ZNF529: variants seen among roughly 807,000 people sequenced by gnomAD.
ZNF529 encodes the protein zinc finger protein 529.
Under a neutral mutation model 10.1 loss-of-function variants are expected in ZNF529, and 11 were observed. The ratio of observed to expected loss-of-function variants is 1.09; its 90% CI spans 0.69 to 1.81. The LOEUF is 1.81. ZNF529 is among the 40% of genes most tolerant of loss of function. The pLI, the probability that ZNF529 is intolerant of heterozygous loss-of-function variation, is 0.00. For synonymous variants in ZNF529, 204 were observed against 215.7 expected (o/e 0.95, Z 0.47); for missense variants, 624 against 666.8 (o/e 0.94, Z 0.71).
At chr19:36,566,004 G>A (rs1004117470) in intron 2 of ZNF529, among the ~76,000 whole-genome samples, 2 of 152,190 alleles carry the variant, frequency 1.3e-5, no homozygotes, top group African/African-American at 4.8e-5. Flanking sequence ...GTTTGAGACA[G>A]GGTCTCACTC....
At chr19:36,565,246 T>C (rs2035852942) in intron 2 of ZNF529, among the ~76,000 whole-genome samples, 1 of 151,614 alleles carries the variant, frequency 6.6e-6, no homozygotes, top group Admixed American at 6.6e-5. Context: ...AAAATAAAAG[T>C]TGAAAAAAGA....
At chr19:36,601,374 G>C (rs1568622995) in intron 1 of ZNF529, among the ~76,000 whole-genome samples, 4 of 151,980 alleles carry the variant, frequency 2.6e-5, no homozygotes, top group Admixed American at 1.3e-4. Flanking sequence ...AAAGTGCTGG[G>C]ATTACAGGTG....
intron 3 of ZNF529, among the ~76,000 whole-genome samples, chr19:36,555,149 TC>T: frequency 6.6e-6 from 1 of 152,288 alleles, no homozygotes; most frequent in South Asian, 2.1e-4. Flanking sequence ...ATACCGTCAT[TC>T]CCCTGTACAG....
intron 1 of ZNF529, among the ~76,000 whole-genome samples, chr19:36,592,284 C>CAAAAA (rs35717465): frequency 0.019 from 937 of 48,548 alleles, 1 homozygote; most frequent in Non-Finnish European, 0.022. Context: ...GACTTTGTCT[C>CAAAAA]AAAAAAAAAA....
In ZNF529 at chr19:36,547,733, A is replaced by G. The variant is rs755695580; in HGVS notation, c.825T>C (p.Val275=). 3.1e-6 allele frequency: 5 copies of G among 1,613,780 alleles called. No homozygotes were observed. Among genetic ancestry groups the G allele is most frequent in the Non-Finnish European group, 3.4e-6 (4 of 1,179,844 alleles). Residue 275 remains valine, a synonymous_variant, in exon 5 of 5, where the codon GTT becomes GTC. Transcript: ENST00000591340. ...ATTCAAAGTGTTTCTCACCATCATG[A>G]ACTCTTTGAAGTGGAGTAACTTTTC... is the stretch of plus-strand genomic sequence containing the variant. ...RVGKVTPLQR[V]HDGEKHFECS...
intron 4 of ZNF529, among the ~76,000 whole-genome samples, chr19:36,551,384 A>G (rs185808150): frequency 2.4e-4 from 36 of 152,328 alleles, no homozygotes; most frequent in South Asian, 8.3e-4. Flanking sequence ...AGAAATCACC[A>G]TAAGAAACAT....
In ZNF529 at chr19:36,548,065, G is replaced by A; in HGVS notation, c.493C>T (p.His165Tyr). 2 of 1,613,860 alleles carry A rather than the reference G, an allele frequency of 1.2e-6. No individual in the cohort carries two copies. Among genetic ancestry groups the A allele is most frequent in the Non-Finnish European group, 1.7e-6 (2 of 1,179,862 alleles). Residue 165 changes from histidine (H) to tyrosine (Y), a missense_variant, in exon 5 of 5, where the codon CAT becomes TAT. Coordinates refer to ENST00000591340, the MANE Select transcript of ZNF529 (RefSeq NM_020951.5). The part of the protein sequence containing the change: ...HESLTLPRRT[H>Y]DSEKPYEYKE... ...TATTCATAGGGCTTCTCACTGTCAT[G>A]AGTTCTCCGAGGTAAAGTAAGAGAT...
At chr19:36,561,730 G>T (rs562557539) in intron 2 of ZNF529, among the ~76,000 whole-genome samples, 1 of 152,226 alleles carries the variant, frequency 6.6e-6, no homozygotes, top group Non-Finnish European at 1.5e-5. Flanking sequence ...TATGAGAGCT[G>T]CAGTATGAAC....
intron 1 of ZNF529, chr19:36,605,067 A>T (rs1346563872): frequency 2.0e-5 from 3 of 152,562 alleles, no homozygotes; most frequent in Admixed American, 1.3e-4. Flanking sequence ...GCGTCCCATG[A>T]ACCCAGGTCC....
At position 36,596,308 on chromosome 19, in the gene ZNF529, G is replaced by A. The variant is rs55824249; in HGVS notation, c.-127-6607C>T. ...AGGGTGGTCTCGAACTCCTGACCTC[G>A]TGATCCACCTGCCTCAGCCTCCTAA... On this transcript the variant is annotated intron_variant, in intron 1 of 4. Transcript: ENST00000585960. Among the ~76,000 whole-genome samples the A allele has an allele frequency of 7.1e-3, 1,072 of 151,218 alleles. 10 individuals are homozygous for A. The highest frequency in any genetic ancestry group is 0.024 in the African/African-American group (975 of 41,190).
In ZNF529 at chr19:36,546,225, A is replaced by G. The variant is rs1035911045; in HGVS notation, c.*641T>C. On this transcript the variant is annotated 3_prime_UTR_variant, in exon 5 of 5. Coordinates refer to ENST00000591340, the MANE Select transcript of ZNF529 (RefSeq NM_020951.5). ...TATACACTATATGTGTATATACACT[A>G]TATGTATATAGTGTGTGTGTGTGTG... 3 of 112,496 alleles carry G rather than the reference A, an allele frequency of 2.7e-5. No homozygotes were observed. Among genetic ancestry groups the G allele is most frequent in the South Asian group, 2.9e-4 (1 of 3,456 alleles). 7.0% of individuals were successfully genotyped at this position (112,496 alleles called of 1,614,324 possible).
intron 2 of ZNF529, among the ~76,000 whole-genome samples, chr19:36,584,870 A>G (rs2036547019): frequency 6.6e-6 from 1 of 152,216 alleles, no homozygotes; most frequent in African/African-American, 2.4e-5. Context: ...TGCAAGGTTA[A>G]GAGTAACTTC....
rs2035034582 is a variant in ZNF529, at chr19:36,546,698, T to C, written c.*168A>G. On this transcript the variant is annotated 3_prime_UTR_variant, in exon 5 of 5. Coordinates refer to ENST00000591340, the MANE Select transcript of ZNF529 (RefSeq NM_020951.5). ...GCAACATCTAACAAAGCTATAAGTA[T>C]ATATCAGCTATGACTAAGCAATTCT... The C allele has an allele frequency of 2.9e-6, 2 of 680,432 alleles. No individual in the cohort carries two copies. The highest frequency in any genetic ancestry group is 5.7e-5 in the East Asian group (2 of 35,116). The allele number at this position is 680,432 out of a possible 1,614,324, so 42.1% of individuals were successfully genotyped here.
At chr19:36,591,084 G>A (rs1331668748) in intron 1 of ZNF529, among the ~76,000 whole-genome samples, 3 of 151,432 alleles carry the variant, frequency 2.0e-5, no homozygotes, top group African/African-American at 7.3e-5. Context: ...GGCAGGTCAT[G>A]AGGTCAAGAG....
intron 4 of ZNF529, among the ~76,000 whole-genome samples, chr19:36,553,206 A>T (rs1432497529): frequency 2.6e-5 from 4 of 152,082 alleles, no homozygotes; most frequent in African/African-American, 9.7e-5. Context: ...GCTCACTGCA[A>T]CCTCTACCTC....
rs1308487713 is a variant in ZNF529, at chr19:36,544,761, C to T, written c.*2105G>A. On this transcript the variant is annotated 3_prime_UTR_variant, in exon 5 of 5. Coordinates refer to ENST00000591340, the MANE Select transcript of ZNF529 (RefSeq NM_020951.5). ...AAACTACTTGAATAAGCAATACTTA[C>T]ATAAAACATAGCTCAATATATCAGA... is the stretch of plus-strand genomic sequence containing the variant. The T allele has an allele frequency of 6.6e-6, 1 of 152,138 alleles. No individual in the cohort carries two copies. Among genetic ancestry groups the T allele is most frequent in the East Asian group, 1.9e-4 (1 of 5,200 alleles). 9.4% of individuals were successfully genotyped at this position (152,138 alleles called of 1,614,324 possible). A position where few individuals can be genotyped will look rare whatever the true frequency, so the allele number is the denominator to read the frequency against.
chr19:36,550,017 C>T (rs550582427), intron 4 of ZNF529, among the ~76,000 whole-genome samples: 1 of 152,236 alleles, frequency 6.6e-6, no homozygotes, highest in Non-Finnish European at 1.5e-5. Context: ...CACTTTGTAG[C>T]AAAGGATTTT....
intron 4 of ZNF529, among the ~76,000 whole-genome samples, chr19:36,551,442 C>G (rs563886681): frequency 6.6e-6 from 1 of 152,022 alleles, no homozygotes; most frequent in Non-Finnish European, 1.5e-5. Context: ...AGCTGGACAT[C>G]AAAAATCAGA....
intron 2 of ZNF529, among the ~76,000 whole-genome samples, chr19:36,571,899 T>C (rs552964387): frequency 2.0e-4 from 30 of 151,518 alleles, no homozygotes; most frequent in Middle Eastern, 3.4e-3. Flanking sequence ...CTTGTTGACA[T>C]AGCCTCTCTG....
Sources: gnomAD v4.1 joint callset for allele counts (sites outside exome capture counted in the v4.1 genomes callset) on GRCh38, gnomAD v4.1.1 for gene constraint, MANE v1.5 for transcripts, NCBI Gene and HGNC (gene_info 2026-07-23, HGNC 2026-07-21) for gene names.